ZNF638: variants seen among roughly 807,000 people sequenced by gnomAD.
ZNF638 encodes the protein zinc finger protein 638.
A neutral mutation model predicts 195.6 loss-of-function variants in ZNF638; 46 were observed. The ratio of observed to expected loss-of-function variants is 0.24; its 90% CI spans 0.19 to 0.30. ZNF638 has a LOEUF of 0.30. Ranked by LOEUF, ZNF638 falls within the 10% of genes least tolerant of loss-of-function variation. The pLI is 1.00. For synonymous variants in ZNF638, 845 were observed against 772.0 expected (o/e 1.09, Z -1.57); for missense variants, 2,440 against 2,325.3 (o/e 1.05, Z -1.01).
rs143058176 is a variant in ZNF638 at position 71,380,238 on chromosome 2, A to G, written c.2282A>G (p.Lys761Arg). ...KKKAQNKEVKKKTLESKKVSA... is the reference protein window; with the variant it reads ...KKKAQNKEVKRKTLESKKVSA... ...CCTACGTAGAACAAAGAGGTGAAGA[A>G]AAAGACTTTAGAGTCAAAGAAAGTA... is the stretch of plus-strand genomic sequence containing the variant. The change falls in exon 9 of 28, where the codon AAA becomes AGA. Residue 761 changes from lysine to arginine, a missense_variant. Physicochemically the swap from Lys to Arg is conservative, Grantham distance 26 (BLOSUM62 2). This residue lies in a region of ZNF638 where 1,883 missense variants were observed against 1,739.1 expected (regional missense o/e 1.08). Coordinates refer to ENST00000264447, the MANE Select transcript of ZNF638 (RefSeq NM_014497.5). The G allele has an allele frequency of 4.5e-6, 7 of 1,562,128 alleles. No individual in the cohort carries two copies. The highest frequency in any genetic ancestry group is 5.2e-6 in the Non-Finnish European group (6 of 1,159,976).
At chr2:71,411,631 T>C (rs62146462) in intron 20 of ZNF638, among the ~76,000 whole-genome samples, 2 of 104,416 alleles carry the variant, frequency 1.9e-5, no homozygotes, top group Non-Finnish European at 3.9e-5. Context: ...CCCCCTCCCC[T>C]GACCCCACCA....
intron 1 of ZNF638, among the ~76,000 whole-genome samples, chr2:71,344,841 A>T (rs932804200): frequency 1.3e-5 from 2 of 152,250 alleles, no homozygotes; most frequent in Non-Finnish European, 2.9e-5. Flanking sequence ...TGAAGTATAA[A>T]TAACAAGCAT....
chr2:71,399,451 G>C (rs955243385), intron 12 of ZNF638, 108 bp from the exon 13 acceptor site: 2 of 721,946 alleles, frequency 2.8e-6, no homozygotes, highest in African/African-American at 3.7e-5. Flanking sequence ...ATGTGGAAAA[G>C]AGCTGCTTTT....
At chr2:71,355,207 T>C (rs1157242463) in intron 2 of ZNF638, among the ~76,000 whole-genome samples, 1 of 152,052 alleles carries the variant, frequency 6.6e-6, no homozygotes, top group African/African-American at 2.4e-5. Context: ...CCGCCCTCCT[T>C]GGCCTCCCAA....
intron 6 of ZNF638, 107 bp from the exon 7 acceptor site, chr2:71,368,275 C>A: frequency 9.8e-7 from 1 of 1,015,854 alleles, no homozygotes; most frequent in Non-Finnish European, 1.4e-6. Context: ...TGGAAAAGAC[C>A]CTTTAGTGTA....
At position 71,426,501 on chromosome 2, in the gene ZNF638, G is replaced by A; in HGVS notation, c.4632G>A (p.Val1544=). ...TTAATTTGGATGAATTTGTTACTGT[G>A]GATGAGGTTATAGAAGAAGTGAATC... ...FPFNLDEFVT[V]DEVIEEVNPS... is the part of the protein sequence containing the mutation. Residue 1544 remains valine, a synonymous_variant, in exon 24 of 28, where the codon GTG becomes GTA. Coordinates refer to ENST00000264447, the MANE Select transcript of ZNF638 (RefSeq NM_014497.5). The A allele has an allele frequency of 1.3e-6, 2 of 1,599,724 alleles. No individual in the cohort carries two copies. The highest frequency in any genetic ancestry group is 1.7e-6 in the Non-Finnish European group (2 of 1,175,922).
intron 10 of ZNF638, among the ~76,000 whole-genome samples, chr2:71,383,756 C>CTTTT (rs1558858270): frequency 6.8e-5 from 6 of 88,024 alleles, no homozygotes; most frequent in African/African-American, 1.5e-4. Flanking sequence ...TTTTTTTTTT[C>CTTTT]TTTTTCTTTT....
intron 2 of ZNF638, 119 bp downstream of exon 2, chr2:71,350,390 A>T (rs1478956468): frequency 2.0e-6 from 2 of 1,006,936 alleles, no homozygotes; most frequent in Non-Finnish European, 2.9e-6. Context: ...GGTAATTTTA[A>T]TTGCAACCTC....
rs914497838 is a variant in ZNF638, at chr2:71,418,704, T to G, written c.3299+65T>G. On this transcript the variant is annotated intron_variant, in intron 21 of 27. Transcript: ENST00000264447. ...TTAGTTTCTGAATTTTATTGCTGTA[T>G]TTTATAGTAATGGCTCACATGTAGT... 5.9e-5 allele frequency: 68 copies of G among 1,151,268 alleles called. 1 individual carries two copies. Among genetic ancestry groups the G allele is most frequent in the Non-Finnish European group, 8.2e-5 (67 of 818,608 alleles). 71.3% of individuals were successfully genotyped at this position (1,151,268 alleles called of 1,614,324 possible). A position where few individuals can be genotyped will look rare whatever the true frequency, so the allele number is the denominator to read the frequency against.
intron 10 of ZNF638, among the ~76,000 whole-genome samples, chr2:71,391,914 T>C (rs529292617): frequency 6.6e-6 from 1 of 152,322 alleles, no homozygotes; most frequent in Admixed American, 6.5e-5. Flanking sequence ...TTCAGTTGTT[T>C]GTTTTTCCTG....
At chr2:71,339,038 ATGTTTTCC>A (rs374994525) in intron 1 of ZNF638, among the ~76,000 whole-genome samples, 153 of 151,758 alleles carry the variant, frequency 1.0e-3, no homozygotes, top group Non-Finnish European at 1.5e-3. Flanking sequence ...AGGTATATGT[ATGTTTTCC>A]TGTTTTCCTT....
At chr2:71,389,056 C>T (rs1157089229) in intron 10 of ZNF638, among the ~76,000 whole-genome samples, 1 of 152,096 alleles carries the variant, frequency 6.6e-6, no homozygotes, top group Non-Finnish European at 1.5e-5. Flanking sequence ...GCTGCTTTGG[C>T]CCTGCTGTAC....
At chr2:71,365,327 G>C in intron 5 of ZNF638, 102 bp from the exon 6 acceptor site, 1 of 932,972 alleles carries the variant, frequency 1.1e-6, no homozygotes, top group East Asian at 2.7e-5. Context: ...TTGTCTGTGT[G>C]CTCCCTGTTT....
chr2:71,364,861 G>T (rs745675752), intron 5 of ZNF638, among the ~76,000 whole-genome samples: 35 of 152,310 alleles, frequency 2.3e-4, no homozygotes, highest in South Asian at 1.2e-3. Context: ...TCTTTTAAGA[G>T]TTCTATGAGA....
chr2:71,408,109 ATCT>A lies in ZNF638; in HGVS notation c.3136-9_3136-7del. On this transcript the variant is annotated splice_polypyrimidine_tract_variant and intron_variant, in intron 19 of 27. Coordinates refer to ENST00000264447, the MANE Select transcript of ZNF638 (RefSeq NM_014497.5). ...TTAAAGAACTATTCATAACTTTTTA[ATCT>A]TCTCCAAAGGCAATTCTTCAGTTAG... is the stretch of plus-strand genomic sequence containing the variant. 6.3e-7 allele frequency: 1 copy of A among 1,598,748 alleles called. No homozygotes were observed. Among genetic ancestry groups the A allele is most frequent in the Non-Finnish European group, 8.5e-7 (1 of 1,175,794 alleles).
chr2:71,332,923 C>T (rs1037982432), intron 1 of ZNF638: 2 of 152,170 alleles, frequency 1.3e-5, no homozygotes, highest in Admixed American at 6.5e-5. Flanking sequence ...TGTTCAAGTA[C>T]TTTTTCCAAC....
At chr2:71,386,372 A>G (rs1267400101) in intron 10 of ZNF638, among the ~76,000 whole-genome samples, 1 of 152,014 alleles carries the variant, frequency 6.6e-6, no homozygotes, top group Non-Finnish European at 1.5e-5. Context: ...TTATGCACAC[A>G]CATACATATA....
chr2:71,341,659 C>T (rs1156611210), intron 1 of ZNF638: 2 of 152,042 alleles, frequency 1.3e-5, no homozygotes, highest in African/African-American at 4.8e-5. Context: ...CAGTTTTTTC[C>T]CCAACAAGTT....
At chr2:71,379,985 A>G (rs548424458) in intron 8 of ZNF638, 1 of 312,844 alleles carries the variant, frequency 3.2e-6, no homozygotes, top group Non-Finnish European at 5.9e-6. Flanking sequence ...GGCATCCACC[A>G]GGGGTCTTGG....
Sources: allele counts gnomAD v4.1 joint callset (sites outside exome capture counted in the v4.1 genomes callset), GRCh38; gene constraint gnomAD v4.1.1; regional missense constraint gnomAD v4.1.1; transcripts MANE v1.5; gene names NCBI Gene and HGNC (gene_info 2026-07-23, HGNC 2026-07-21).